KCNJ3: variants seen among roughly 807,000 people sequenced by gnomAD.
The protein encoded by KCNJ3 is G protein-activated inward rectifier potassium channel 1.
Under a neutral mutation model 39.2 loss-of-function variants are expected in KCNJ3, and 4 were observed. The ratio of observed to expected loss-of-function variants is 0.10; its 90% CI spans 0.05 to 0.23. The LOEUF is 0.23. Among genes scored for constraint, KCNJ3 ranks in the 10% least tolerant of loss-of-function variants. The pLI, the probability that KCNJ3 is intolerant of heterozygous loss-of-function variation, is 1.00. For missense variants in KCNJ3, 276 were observed against 634.9 expected (o/e 0.43, Z 6.08); for synonymous variants, 230 against 237.4 (o/e 0.97, Z 0.29).
At chr2:154,758,556 A>G (rs1330015100) in intron 2 of KCNJ3, among the ~76,000 whole-genome samples, 1 of 152,230 alleles carries the variant, frequency 6.6e-6, no homozygotes, top group Non-Finnish European at 1.5e-5. Context: ...AACAATGACT[A>G]GAAAAAATGT....
At chr2:154,821,036 T>C (rs986934189) in intron 2 of KCNJ3, among the ~76,000 whole-genome samples, 1 of 152,218 alleles carries the variant, frequency 6.6e-6, no homozygotes, top group Non-Finnish European at 1.5e-5. Context: ...CTGGATATTA[T>C]ACATTCAATA....
intron 2 of KCNJ3, among the ~76,000 whole-genome samples, chr2:154,802,134 A>G (rs1686830227): frequency 6.6e-6 from 1 of 151,980 alleles, no homozygotes; most frequent in Non-Finnish European, 1.5e-5. Context: ...TCTTTGGTAA[A>G]AGAACCTGCT....
At position 154,698,820 on chromosome 2, in the gene KCNJ3, G is replaced by A; in HGVS notation, c.45G>A (p.Val15=). ...RRKFGDDYQV[V]TTSSSGSGLQ... is the part of the protein sequence containing the mutation. ...AATTTGGGGACGATTATCAGGTAGT[G>A]ACCACATCGTCCAGCGGCTCGGGCT... Residue 15 remains valine (V), a synonymous_variant, in exon 1 of 3, where the codon GTG becomes GTA. Transcript: ENST00000295101. 1.9e-6 allele frequency: 3 copies of A among 1,614,066 alleles called. No homozygotes were observed. Among genetic ancestry groups the A allele is most frequent in the Admixed American group, 3.3e-5 (2 of 60,032 alleles).
chr2:154,764,902 C>A (rs1249247078), intron 2 of KCNJ3, among the ~76,000 whole-genome samples: 1 of 152,146 alleles, frequency 6.6e-6, no homozygotes, highest in Admixed American at 6.6e-5. Context: ...AGCCTTTGCA[C>A]ATATTGTTTG....
intron 2 of KCNJ3, among the ~76,000 whole-genome samples, chr2:154,801,513 T>C (rs899772941): frequency 2.0e-5 from 3 of 151,714 alleles, no homozygotes; most frequent in African/African-American, 7.3e-5. Context: ...TTTTCTTTTC[T>C]TTTCTTTCTT....
chr2:154,767,343 A>C (rs1686152356), intron 2 of KCNJ3, among the ~76,000 whole-genome samples: 1 of 147,978 alleles, frequency 6.8e-6, no homozygotes, highest in Non-Finnish European at 1.5e-5. Context: ...CACTCCCCCC[A>C]CCCCATGACA....
At chr2:154,750,004 A>G (rs1470631910) in intron 2 of KCNJ3, among the ~76,000 whole-genome samples, 4 of 152,062 alleles carry the variant, frequency 2.6e-5, no homozygotes, top group Non-Finnish European at 5.9e-5. Flanking sequence ...AAAACTGAAA[A>G]TCATGCCTAA....
chr2:154,750,662 A>G (rs1031229293), intron 2 of KCNJ3, among the ~76,000 whole-genome samples: 4 of 151,736 alleles, frequency 2.6e-5, no homozygotes, highest in Non-Finnish European at 5.9e-5. Context: ...CTTTCATACA[A>G]TTTTTTCACC....
At chr2:154,813,115 A>G (rs1210180264) in intron 2 of KCNJ3, among the ~76,000 whole-genome samples, 2 of 152,164 alleles carry the variant, frequency 1.3e-5, no homozygotes, top group South Asian at 4.1e-4. Flanking sequence ...CCTAATCACT[A>G]TGTTGGATTG....
Position 154,777,034 on chromosome 2 carries a change from G to A in KCNJ3, c.919+67215G>A, listed in dbSNP as rs188635707. On this transcript the variant is annotated intron_variant, in intron 2 of 2. Coordinates refer to ENST00000295101, the MANE Select transcript of KCNJ3 (RefSeq NM_002239.4). The stretch of plus-strand genomic sequence containing the variant: ...AAGTCTCTCCAACCAGTTTTCACAC[G>A]TACACACGCACACACACACACACAC... Among the ~76,000 whole-genome samples, 196 of 131,136 alleles carry A rather than the reference G, an allele frequency of 1.5e-3. 1 individual carries two copies. The highest frequency in any genetic ancestry group is 3.0e-3 in the Non-Finnish European group (174 of 57,246). The allele number at this position is 131,136 out of a possible 152,430, so 86.0% of individuals were successfully genotyped here.
At chr2:154,767,738 T>C (rs1301287181) in intron 2 of KCNJ3, among the ~76,000 whole-genome samples, 1 of 152,190 alleles carries the variant, frequency 6.6e-6, no homozygotes, top group African/African-American at 2.4e-5. Flanking sequence ...TATTTCTAGT[T>C]CTAGATCCTT....
intron 2 of KCNJ3, among the ~76,000 whole-genome samples, chr2:154,818,950 T>TTTTTA: frequency 8.6e-6 from 1 of 115,902 alleles, no homozygotes; most frequent in Non-Finnish European, 1.8e-5. Flanking sequence ...TTTTTTTTTT[T>TTTTTA]AATCATCTTG....
At chr2:154,782,716 C>T (rs1385330990) in intron 2 of KCNJ3, among the ~76,000 whole-genome samples, 1 of 152,276 alleles carries the variant, frequency 6.6e-6, no homozygotes, top group East Asian at 1.9e-4. Context: ...ATGGTTTTCT[C>T]ACAGTGTTCT....
At chr2:154,814,552 A>G (rs181373402) in intron 2 of KCNJ3, among the ~76,000 whole-genome samples, 172 of 152,110 alleles carry the variant, frequency 1.1e-3, no homozygotes, top group Middle Eastern at 3.4e-3. Context: ...CAGGAGAATC[A>G]TTTGAACCTG....
At chr2:154,812,896 C>T (rs1574471587) in intron 2 of KCNJ3, among the ~76,000 whole-genome samples, 1 of 151,980 alleles carries the variant, frequency 6.6e-6, no homozygotes, top group African/African-American at 2.4e-5. Context: ...ATAAAATAAT[C>T]GTAAGTAAGA....
intron 2 of KCNJ3, among the ~76,000 whole-genome samples, chr2:154,774,811 A>C (rs775042992): frequency 9.2e-5 from 14 of 152,198 alleles, no homozygotes; most frequent in African/African-American, 1.4e-4. Flanking sequence ...GGGCACTTTT[A>C]TGTTTAAAAT....
intron 2 of KCNJ3, among the ~76,000 whole-genome samples, chr2:154,778,946 G>C (rs1042522935): frequency 6.6e-6 from 1 of 152,042 alleles, no homozygotes; most frequent in African/African-American, 2.4e-5. Flanking sequence ...CTAAATTTTA[G>C]TATTCCCCTA....
At chr2:154,846,555 C>A (rs966696118) in intron 2 of KCNJ3, among the ~76,000 whole-genome samples, 1 of 152,094 alleles carries the variant, frequency 6.6e-6, no homozygotes, top group African/African-American at 2.4e-5. Flanking sequence ...ACATGCCCAA[C>A]ATCTTACTAA....
intron 2 of KCNJ3, among the ~76,000 whole-genome samples, chr2:154,836,382 T>C (rs1323886267): frequency 1.3e-5 from 2 of 152,188 alleles, no homozygotes; most frequent in African/African-American, 4.8e-5. Flanking sequence ...CATATGTTAT[T>C]TGTCTCAGCA....
Sources: gnomAD v4.1 joint callset for allele counts (sites outside exome capture counted in the v4.1 genomes callset) on GRCh38, gnomAD v4.1.1 for gene constraint, MANE v1.5 for transcripts, NCBI Gene and HGNC (gene_info 2026-07-23, HGNC 2026-07-21) for gene names.